Variants in CLVS1 observed in about 807,000 individuals in gnomAD.
CLVS1 encodes the protein clavesin-1.
A neutral mutation model predicts 33.1 loss-of-function variants in CLVS1; 10 were observed. That is an observed-to-expected ratio of 0.30 (90% CI 0.19 to 0.51). CLVS1 has a LOEUF of 0.51. Among genes scored for constraint, CLVS1 ranks in the 20% least tolerant of loss-of-function variants. CLVS1 has a pLI of 0.97. For missense variants in CLVS1, 343 were observed against 433.4 expected (o/e 0.79, Z 1.85); for synonymous variants, 163 against 166.1 (o/e 0.98, Z 0.14).
chr8:61,175,013 C>T (rs1360743111), intron 2 of CLVS1, among the ~76,000 whole-genome samples: 7 of 128,628 alleles, frequency 5.4e-5, no homozygotes, highest in Admixed American at 4.9e-4. Flanking sequence ...TTTTTGGTTG[C>T]TTCTGGCTTG....
chr8:61,058,088 A>G (rs1398314603), intron 1 of CLVS1, among the ~76,000 whole-genome samples: 1 of 152,248 alleles, frequency 6.6e-6, no homozygotes, highest in African/African-American at 2.4e-5. Context: ...GACATATAGT[A>G]TATGACCAAA....
At chr8:60,984,290 A>G in the CLVS1 span, among the ~76,000 whole-genome samples, 1 of 148,952 alleles carries the variant, frequency 6.7e-6, no homozygotes. Context: ...CAAAAGGTCT[A>G]GTTTTTTTTC....
At chr8:61,278,454 T>C (rs554693868) in intron 2 of CLVS1, among the ~76,000 whole-genome samples, 14 of 152,336 alleles carry the variant, frequency 9.2e-5, no homozygotes, top group African/African-American at 3.4e-4. Context: ...CGTATAGATG[T>C]GTTTCCTTTT....
In CLVS1 at chr8:61,446,896, G is replaced by T. The variant is rs902553538; in HGVS notation, c.631-7245G>T. Among the ~76,000 whole-genome samples the T allele has an allele frequency of 1.9e-4, 28 of 150,918 alleles. 1 individual carries two copies. The highest frequency in any genetic ancestry group is 9.9e-4 in the Admixed American group (15 of 15,154). On this transcript the variant is annotated intron_variant, in intron 3 of 5. Coordinates refer to ENST00000325897, the MANE Select transcript of CLVS1 (RefSeq NM_173519.3). ...GTTGTGTAGTTTCCAAGTGATCAAA[G>T]ATTTTCCTCTTATCTATTATTGATT... is the stretch of plus-strand genomic sequence containing the variant.
At chr8:61,162,092 TC>T (rs1349056165) in intron 2 of CLVS1, among the ~76,000 whole-genome samples, 6 of 152,212 alleles carry the variant, frequency 3.9e-5, no homozygotes, top group Admixed American at 6.5e-5. Flanking sequence ...TTGCCGTCTT[TC>T]CCAGAGCTTG....
At chr8:61,496,503 A>T (rs1164867464) in intron 5 of CLVS1, among the ~76,000 whole-genome samples, 2 of 152,192 alleles carry the variant, frequency 1.3e-5, no homozygotes, top group African/African-American at 4.8e-5. Context: ...ACTAAAACAA[A>T]GAGAAAAATG....
the CLVS1 span, among the ~76,000 whole-genome samples, chr8:61,032,988 GGAAGGAAAGAAA>G: frequency 0.048 from 3,578 of 74,592 alleles, 437 homozygotes; most frequent in East Asian, 0.14. Flanking sequence ...AAGGAAGGAA[GGAAGGAAAGAAA>G]GAAAGAAAGA....
chr8:61,463,912 T>C (rs1268644266), intron 5 of CLVS1, among the ~76,000 whole-genome samples: 1 of 150,934 alleles, frequency 6.6e-6, no homozygotes, highest in Admixed American at 6.6e-5. Flanking sequence ...ACTAAAAAAA[T>C]ACAAAAAAAA....
At chr8:61,357,489 C>CTTTTATTTTTTTTTTTTTT (rs1462908906) in intron 2 of CLVS1, among the ~76,000 whole-genome samples, 4 of 30,284 alleles carry the variant, frequency 1.3e-4, no homozygotes, top group Non-Finnish European at 2.2e-4. Context: ...TTTCCTTTTT[C>CTTTTATTTTTTTTTTTTTT]TTTTCTTTTT....
intron 3 of CLVS1, among the ~76,000 whole-genome samples, chr8:61,400,012 A>G (rs1276866436): frequency 6.6e-6 from 1 of 152,112 alleles, no homozygotes; most frequent in Non-Finnish European, 1.5e-5. Flanking sequence ...TGTCTTGGCT[A>G]TTTGGGCATT....
At chr8:61,088,577 A>G (rs1805168671) in intron 1 of CLVS1, among the ~76,000 whole-genome samples, 1 of 151,990 alleles carries the variant, frequency 6.6e-6, no homozygotes, top group African/African-American at 2.4e-5. Context: ...TATATGCCAC[A>G]GTGCTTTAAA....
chr8:61,148,027 C>T (rs560275632), intron 2 of CLVS1, among the ~76,000 whole-genome samples: 1 of 152,292 alleles, frequency 6.6e-6, no homozygotes, highest in African/African-American at 2.4e-5. Flanking sequence ...ATATTTAGAA[C>T]ATAGTTTTAA....
intron 3 of CLVS1, among the ~76,000 whole-genome samples, chr8:61,441,808 C>T (rs376750309): frequency 7.9e-5 from 12 of 152,160 alleles, no homozygotes; most frequent in African/African-American, 2.6e-4. Flanking sequence ...GAAGTACAAA[C>T]GAAGTGCCCA....
Position 61,376,666 on chromosome 8 carries a change from C to T in CLVS1, c.517C>T (p.Pro173Ser), listed in dbSNP as rs1813657074. The change falls in exon 3 of 6, where the codon CCG becomes TCG. Residue 173 changes from proline to serine, a missense_variant. By Grantham distance (74) the Pro-to-Ser change is moderately conservative (BLOSUM62 -1). Transcript: ENST00000325897. The part of the protein sequence containing the change: ...LLSLEVLIED[P>S]ELQINGFILI... ...GTCATTGGAAGTCCTAATCGAAGAT[C>T]CGGAGCTTCAGATAAATGGCTTCAT... The T allele has an allele frequency of 6.2e-7, 1 of 1,614,126 alleles. No homozygotes were observed. Among genetic ancestry groups the T allele is most frequent in the East Asian group, 2.2e-5 (1 of 44,876 alleles).
At chr8:61,263,759 G>A (rs1426495766) in intron 2 of CLVS1, among the ~76,000 whole-genome samples, 2 of 152,192 alleles carry the variant, frequency 1.3e-5, no homozygotes, top group African/African-American at 4.8e-5. Context: ...CCTTAGGCAA[G>A]CTATTTAGTC....
chr8:61,131,776 A>T (rs1189279750), exon 2 of CLVS1: 1 of 151,914 alleles, frequency 6.6e-6, no homozygotes, highest in Admixed American at 6.6e-5. Flanking sequence ...CAAGGGCCTA[A>T]TCAAGGGAAT....
chr8:61,273,412 T>C (rs1809491228), intron 2 of CLVS1, among the ~76,000 whole-genome samples: 1 of 152,172 alleles, frequency 6.6e-6, no homozygotes, highest in Admixed American at 6.5e-5. Context: ...GAGAGGGACA[T>C]TTAAGTCTGC....
intron 1 of CLVS1, among the ~76,000 whole-genome samples, chr8:61,298,078 T>C (rs1351619404): frequency 6.6e-6 from 1 of 152,196 alleles, no homozygotes; most frequent in Non-Finnish European, 1.5e-5. Context: ...GTGTCATTGA[T>C]CAGTGTGAAT....
intron 2 of CLVS1, among the ~76,000 whole-genome samples, chr8:61,209,814 C>T (rs1010241341): frequency 1.0e-4 from 14 of 139,068 alleles, no homozygotes; most frequent in Admixed American, 2.2e-4. Context: ...CCACCAATAT[C>T]CTTGTACAAT....
Sources: gnomAD v4.1 joint callset for allele counts (sites outside exome capture counted in the v4.1 genomes callset) on GRCh38, gnomAD v4.1.1 for gene constraint, MANE v1.5 for transcripts, NCBI Gene and HGNC (gene_info 2026-07-23, HGNC 2026-07-21) for gene names.